The following MALRD1 variants were observed in gnomAD, a reference collection of about 807,000 sequenced individuals.
The protein encoded by MALRD1 is MAM and LDL receptor class A domain containing 1.
Under a neutral mutation model 242.1 loss-of-function variants are expected in MALRD1, and 247 were observed. The ratio of observed to expected loss-of-function variants is 1.02; its 90% CI spans 0.92 to 1.13. MALRD1 has a LOEUF of 1.13. Among genes scored for constraint, MALRD1 ranks in the 50% most tolerant of loss-of-function variants. MALRD1 has a pLI of 0.00. For missense variants in MALRD1, 2,989 were observed against 2,533.1 expected (o/e 1.18, Z -3.86); for synonymous variants, 995 against 866.6 (o/e 1.15, Z -2.60).
Position 19,209,278 on chromosome 10 carries a change from G to A in MALRD1, c.2589G>A (p.Leu863=). The part of the protein sequence containing the change: ...RTDEVNCAPE[L]QCNFETGICN... ...TCATGTGAATTTCAGCACCTGAGCTGCAGTGTAACTTTGAAACTGGAATCT... is the reference window on the plus strand; with the variant it reads ...TCATGTGAATTTCAGCACCTGAGCTACAGTGTAACTTTGAAACTGGAATCT... Residue 863 remains leucine, a synonymous_variant, in exon 18 of 40, where the codon CTG becomes CTA. Coordinates refer to ENST00000454679, the MANE Select transcript of MALRD1 (RefSeq NM_001142308.3). 1 of 1,534,408 alleles carries A rather than the reference G, an allele frequency of 6.5e-7. No individual in the cohort carries two copies. Among genetic ancestry groups the A allele is most frequent in the Non-Finnish European group, 8.8e-7 (1 of 1,140,568 alleles).
intron 29 of MALRD1, among the ~76,000 whole-genome samples, chr10:19,462,928 C>A (rs1448675416): frequency 6.6e-6 from 1 of 152,062 alleles, no homozygotes; most frequent in Admixed American, 6.6e-5. Flanking sequence ...AAAGGAAGGA[C>A]ACATACCTGG....
Position 19,204,380 on chromosome 10 carries a change from G to A in MALRD1, c.2177G>A (p.Ser726Asn), listed in dbSNP as rs10508578. 123,756 of 1,544,916 alleles carry A rather than the reference G, an allele frequency of 0.08. 5,519 individuals carry two copies. The highest frequency in any genetic ancestry group is 0.11 in the Middle Eastern group (663 of 5,976). Residue 726 changes from serine to asparagine, a missense_variant, in exon 16 of 40, where the codon AGC becomes AAC. Transcript: ENST00000454679. ...QVAKLQSPTF[S>N]QTGPGCILSF... is the part of the protein sequence containing the mutation. Reference sequence around the variant, plus strand: ...GCTAAGCTTCAGAGCCCAACTTTCAGCCAGACAGGACCTGGATGCATACTT... The same window carrying A: ...GCTAAGCTTCAGAGCCCAACTTTCAACCAGACAGGACCTGGATGCATACTT...
At chr10:19,140,775 G>A (rs1254646004) in intron 10 of MALRD1, among the ~76,000 whole-genome samples, 1 of 152,148 alleles carries the variant, frequency 6.6e-6, no homozygotes, top group Non-Finnish European at 1.5e-5. Context: ...AATGGCAGTT[G>A]TCCAGGGCTG....
At chr10:19,541,184 G>A (rs145680200) in intron 32 of MALRD1, among the ~76,000 whole-genome samples, 18 of 152,068 alleles carry the variant, frequency 1.2e-4, no homozygotes, top group East Asian at 1.9e-4. Flanking sequence ...TAGACTAACC[G>A]GTTCTCTTTC....
intron 36 of MALRD1, among the ~76,000 whole-genome samples, chr10:19,650,344 G>A (rs2131703429): frequency 6.6e-6 from 1 of 152,272 alleles, no homozygotes; most frequent in South Asian, 2.1e-4. Flanking sequence ...ATCAGCAGCT[G>A]TCTACTATAA....
chr10:19,429,573 C>T lies in MALRD1; in HGVS notation c.4846-20734C>T, dbSNP rs560922373. ...AGTGAGATTCCATCTCAAAATAAAA[C>T]AAAACAAAACAAATAGAGTCACTTG... is the stretch of plus-strand genomic sequence containing the variant. On this transcript the variant is annotated intron_variant, in intron 28 of 39. Coordinates refer to ENST00000454679, the MANE Select transcript of MALRD1 (RefSeq NM_001142308.3). Among the ~76,000 whole-genome samples, 10 of 152,064 alleles carry T rather than the reference C, an allele frequency of 6.6e-5. No individual in the cohort carries two copies. The South Asian group carries it at 2.1e-3, about 32-fold the overall frequency.
intron 30 of MALRD1, among the ~76,000 whole-genome samples, chr10:19,496,458 T>C (rs1367267156): frequency 6.6e-6 from 1 of 152,186 alleles, no homozygotes; most frequent in Non-Finnish European, 1.5e-5. Flanking sequence ...TGAATGACTT[T>C]TGGGTAAATA....
At chr10:19,254,855 G>T (rs1839434757) in intron 18 of MALRD1, among the ~76,000 whole-genome samples, 1 of 151,938 alleles carries the variant, frequency 6.6e-6, no homozygotes, top group South Asian at 2.1e-4. Flanking sequence ...GATGGCTAAA[G>T]TGAAAGTAAG....
chr10:19,270,838 A>ACACACGCGCG (rs1554823255), intron 19 of MALRD1, among the ~76,000 whole-genome samples: 1 of 151,502 alleles, frequency 6.6e-6, no homozygotes, highest in African/African-American at 2.4e-5. Flanking sequence ...ACACACACAC[A>ACACACGCGCG]CACACGCACA....
chr10:19,343,311 G>A (rs1843966190), intron 24 of MALRD1, among the ~76,000 whole-genome samples: 1 of 152,014 alleles, frequency 6.6e-6, no homozygotes, highest in Non-Finnish European at 1.5e-5. Context: ...TACCCTTCAT[G>A]CATTTTTCCC....
At chr10:19,084,382 T>C (rs536223004) in intron 2 of MALRD1, among the ~76,000 whole-genome samples, 45 of 152,112 alleles carry the variant, frequency 3.0e-4, no homozygotes, top group Admixed American at 1.4e-3. Flanking sequence ...GCTTCAAGCC[T>C]TGGATCTTGT....
intron 26 of MALRD1, among the ~76,000 whole-genome samples, chr10:19,368,441 C>T (rs1427929929): frequency 6.6e-6 from 1 of 151,854 alleles, no homozygotes; most frequent in Admixed American, 6.6e-5. Flanking sequence ...ATTGTGGATT[C>T]ATTTTGGGGT....
intron 14 of MALRD1, among the ~76,000 whole-genome samples, chr10:19,185,953 G>A (rs11008846): frequency 0.19 from 28,214 of 151,760 alleles, 2,943 homozygotes; most frequent in Admixed American, 0.27. Context: ...AATATTAAAG[G>A]ATTTCTATGA....
intron 33 of MALRD1, among the ~76,000 whole-genome samples, chr10:19,590,406 C>T (rs1408997943): frequency 1.4e-5 from 2 of 146,770 alleles, no homozygotes; most frequent in Non-Finnish European, 3.0e-5. Context: ...TTTTATATAA[C>T]ATATATAGGT....
intron 19 of MALRD1, among the ~76,000 whole-genome samples, chr10:19,275,920 A>T (rs1423433459): frequency 1.3e-5 from 2 of 152,158 alleles, no homozygotes; most frequent in African/African-American, 2.4e-5. Context: ...TGTGTGATCC[A>T]CTGTTTTTTA....
chr10:19,236,280 G>T (rs111860628), intron 18 of MALRD1, among the ~76,000 whole-genome samples: 23 of 152,270 alleles, frequency 1.5e-4, no homozygotes, highest in African/African-American at 5.3e-4. Context: ...GTTGGTGCAG[G>T]TGTGATATGA....
chr10:19,570,962 G>A (rs1564449056), intron 33 of MALRD1, among the ~76,000 whole-genome samples: 1 of 151,934 alleles, frequency 6.6e-6, no homozygotes, highest in Non-Finnish European at 1.5e-5. Context: ...CACATATTTT[G>A]GGTTAATTGT....
intron 14 of MALRD1, among the ~76,000 whole-genome samples, chr10:19,203,493 GA>G: frequency 6.6e-6 from 1 of 152,172 alleles, no homozygotes; most frequent in African/African-American, 2.4e-5. Flanking sequence ...AGAATATTCG[GA>G]AAAAAATTGT....
intron 14 of MALRD1, among the ~76,000 whole-genome samples, chr10:19,183,448 T>TG (rs1220375454): frequency 1.3e-5 from 2 of 152,130 alleles, no homozygotes; most frequent in Non-Finnish European, 2.9e-5. Context: ...GAAAAGGCAA[T>TG]GCCACCCTCA....
Sources: gnomAD v4.1 joint callset for allele counts (sites outside exome capture counted in the v4.1 genomes callset) on GRCh38, gnomAD v4.1.1 for gene constraint, MANE v1.5 for transcripts, NCBI Gene and HGNC (gene_info 2026-07-23, HGNC 2026-07-21) for gene names.